The following PROKR2 variants were observed in gnomAD, a reference collection of about 807,000 sequenced individuals.
PROKR2 encodes G protein-coupled receptor 73-like 1.
PROKR2 carries 26 observed loss-of-function variants against 23.4 expected under a neutral mutation model. That is an observed-to-expected ratio of 1.11 (90% CI 0.81 to 1.54). The LOEUF (loss-of-function observed/expected upper bound fraction) is 1.54, where lower values mean the gene tolerates loss of function less well. Ranked by LOEUF, PROKR2 falls within the 40% of genes most tolerant of loss-of-function variation. The probability of loss-of-function intolerance (pLI) is 0.00; values close to 1 mark genes in which losing one functional copy is unlikely to be tolerated. For missense variants in PROKR2, 453 were observed against 511.5 expected (o/e 0.89, Z 1.10); for synonymous variants, 212 against 201.2 (o/e 1.05, Z -0.45).
rs185407013 is a variant in PROKR2 at position 5,301,177 on chromosome 20, G to A, written c.*863C>T. On this transcript the variant is annotated 3_prime_UTR_variant, in exon 3 of 3. Coordinates refer to ENST00000678254, the MANE Select transcript of PROKR2 (RefSeq NM_144773.4). Reference sequence around the variant, plus strand: ...AAACTTATCGTTACATTTCCATTGTGTCTAAGAGTCTTCTTCTATAGCCGT... The same window carrying A: ...AAACTTATCGTTACATTTCCATTGTATCTAAGAGTCTTCTTCTATAGCCGT... 5.0e-4 allele frequency among the ~76,000 whole-genome samples: 76 copies of A among 152,072 alleles called. 1 individual carries two copies. The highest frequency in any genetic ancestry group is 1.0e-3 in the Admixed American group (16 of 15,262).
rs1379896965 is a variant in PROKR2 at position 5,300,822 on chromosome 20, A to AC, written c.*1217dup. On this transcript the variant is annotated 3_prime_UTR_variant, in exon 3 of 3. Transcript: ENST00000678254. ...ATGTTCATTGCCAGTGGCAACCTCCACTTTTTTCTCTGTCCTCTTTCCCCC... is the reference window on the plus strand; with the variant it reads ...ATGTTCATTGCCAGTGGCAACCTCCACCTTTTTTCTCTGTCCTCTTTCCCCC... 6.6e-6 allele frequency among the ~76,000 whole-genome samples: 1 copy of AC among 152,060 alleles called. No homozygotes were observed. Among genetic ancestry groups the AC allele is most frequent in the Non-Finnish European group, 1.5e-5 (1 of 68,006 alleles).
chr20:5,314,336 G>A lies in PROKR2; in HGVS notation c.34C>T (p.Pro12Ser). The change falls in exon 2 of 3, where the codon CCC (proline) becomes TCC (serine). Residue 12 changes from proline (P) to serine (S), a missense_variant. Transcript: ENST00000678254. Reference sequence around the variant, plus strand: ...TGGTCTTGGGGTGGATTAAAGTTGGGTGTGAAACTGGTGTTTCCATTCTGG... The same window carrying A: ...TGGTCTTGGGGTGGATTAAAGTTGGATGTGAAACTGGTGTTTCCATTCTGG... The part of the protein sequence containing the change: ...AAQNGNTSFT[P>S]NFNPPQDHAS... 3 of 1,614,142 alleles carry A rather than the reference G, an allele frequency of 1.9e-6. No homozygotes were observed. The highest frequency in any genetic ancestry group is 2.5e-6 in the Non-Finnish European group (3 of 1,180,038).
At chr20:5,304,888 A>G (rs982014940) in intron 2 of PROKR2, among the ~76,000 whole-genome samples, 9 of 152,168 alleles carry the variant, frequency 5.9e-5, no homozygotes, top group Admixed American at 2.0e-4. Context: ...AGTTGATTAT[A>G]TCAAGGCCTG....
intron 2 of PROKR2, among the ~76,000 whole-genome samples, chr20:5,310,033 G>A (rs1210741410): frequency 6.6e-6 from 1 of 152,222 alleles, no homozygotes; most frequent in Non-Finnish European, 1.5e-5. Flanking sequence ...ATCACTTTTG[G>A]TTGGGGGACT....
At chr20:5,304,834 G>A (rs113738859) in intron 2 of PROKR2, among the ~76,000 whole-genome samples, 17,670 of 152,172 alleles carry the variant, frequency 0.12, 1,102 homozygotes, top group Non-Finnish European at 0.12. Context: ...TGCTAATCCC[G>A]ATTGCCAGGC....
At chr20:5,307,437 A>G (rs1036598455) in intron 2 of PROKR2, among the ~76,000 whole-genome samples, 1 of 152,230 alleles carries the variant, frequency 6.6e-6, no homozygotes, top group South Asian at 2.1e-4. Context: ...CTCAGTATTT[A>G]CCGTAATAAA....
At chr20:5,308,394 G>A (rs1342380078) in intron 2 of PROKR2, among the ~76,000 whole-genome samples, 1 of 152,358 alleles carries the variant, frequency 6.6e-6, no homozygotes, top group Non-Finnish European at 1.5e-5. Flanking sequence ...ACAATAGCAT[G>A]AGTGATCTGT....
At position 5,300,988 on chromosome 20, in the gene PROKR2, C is replaced by T. The variant is rs1164302902; in HGVS notation, c.*1052G>A. On this transcript the variant is annotated 3_prime_UTR_variant, in exon 3 of 3. Coordinates refer to ENST00000678254, the MANE Select transcript of PROKR2 (RefSeq NM_144773.4). ...TTTTAGGTTCTTTCCTTTGAAATTACACCATTGTGGATAACCACATAAGGC... is the reference window on the plus strand; with the variant it reads ...TTTTAGGTTCTTTCCTTTGAAATTATACCATTGTGGATAACCACATAAGGC... Among the ~76,000 whole-genome samples, 1 of 152,174 alleles carries T rather than the reference C, an allele frequency of 6.6e-6. No homozygotes were observed. Among genetic ancestry groups the T allele is most frequent in the Non-Finnish European group, 1.5e-5 (1 of 68,030 alleles).
intron 2 of PROKR2, among the ~76,000 whole-genome samples, chr20:5,308,204 C>T (rs1661883300): frequency 2.8e-5 from 1 of 35,368 alleles, no homozygotes; most frequent in South Asian, 9.4e-4. Context: ...CCCCCCCCCT[C>T]AAAACCTGGC....
intron 1 of PROKR2, among the ~76,000 whole-genome samples, chr20:5,315,561 C>T (rs975662414): frequency 6.6e-6 from 1 of 152,116 alleles, no homozygotes; most frequent in African/African-American, 2.4e-5. Context: ...ATGTGGGCGC[C>T]GCGGGATGCT....
chr20:5,302,179 T>C lies in PROKR2; in HGVS notation c.1016A>G (p.Asn339Ser), dbSNP rs759570423. Residue 339 changes from asparagine to serine, a missense_variant, in exon 3 of 3, where the codon AAC (asparagine) becomes AGC (serine). Transcript: ENST00000678254. ...CATCTTCTTGAAGTACTTCATGGTG[T>C]TGTTCTTGACCGTCACGAAGCACAC... ...NTVCFVTVKN[N>S]TMKYFKKMML... is the part of the protein sequence containing the mutation. 4 of 1,614,204 alleles carry C rather than the reference T, an allele frequency of 2.5e-6. No individual in the cohort carries two copies. The South Asian group carries it at 4.4e-5, about 18-fold the overall frequency.
At chr20:5,308,194 C>CTT (rs1568571185) in intron 2 of PROKR2, among the ~76,000 whole-genome samples, 1,763 of 98,238 alleles carry the variant, frequency 0.018, 36 homozygotes, top group African/African-American at 0.093. Context: ...GGGAACAGGC[C>CTT]CCCCCCCCTC....
In PROKR2 at chr20:5,316,339, C is replaced by T. The variant is rs773997113; in HGVS notation, c.-9+155G>A. 2.2e-6 allele frequency: 1 copy of T among 456,580 alleles called. No homozygotes were observed. The highest frequency in any genetic ancestry group is 4.4e-6 in the Non-Finnish European group (1 of 226,976). The allele number at this position is 456,580 out of a possible 1,614,324, so 28.3% of individuals were successfully genotyped here. On this transcript the variant is annotated intron_variant, in intron 1 of 2. Transcript: ENST00000678254. This position sits in a 1 kb window ranked among gnomAD's most constrained non-coding sequence, Gnocchi z 5.0. ...GAGGGGATCTCCTGAAACCAACTCGCCTGCTTGGAGCCAGCCCCGACGCAT... is the reference window on the plus strand; with the variant it reads ...GAGGGGATCTCCTGAAACCAACTCGTCTGCTTGGAGCCAGCCCCGACGCAT...
At position 5,314,807 on chromosome 20, in the gene PROKR2, C is replaced by A. The variant is rs138558049; in HGVS notation, c.-8-430G>T. Among the ~76,000 whole-genome samples, 349 of 152,360 alleles carry A rather than the reference C, an allele frequency of 2.3e-3. 1 individual carries two copies. Among genetic ancestry groups the A allele is most frequent in the African/African-American group, 8.1e-3 (335 of 41,590 alleles). On this transcript the variant is annotated intron_variant, in intron 1 of 2. Coordinates refer to ENST00000678254, the MANE Select transcript of PROKR2 (RefSeq NM_144773.4). ...CATCCTCCAGCCCCCAACACATCAG[C>A]TCCCACAGGGGCTTCTGGAACATTT...
chr20:5,305,264 C>A (rs1472835808), intron 2 of PROKR2, among the ~76,000 whole-genome samples: 1 of 152,224 alleles, frequency 6.6e-6, no homozygotes, highest in Non-Finnish European at 1.5e-5. Context: ...TGTACAATGT[C>A]TGTCCCCTGA....
rs568577005 is a variant in PROKR2, at chr20:5,307,571, C to T, written c.459-4835G>A. 4.3e-4 allele frequency among the ~76,000 whole-genome samples: 66 copies of T among 152,326 alleles called. 1 individual carries two copies. In the South Asian group the frequency reaches 7.2e-3, roughly 17 times the overall value. ...CATTGCAGAACGGGCAGAGGTGCTG[C>T]GCAACGAATCCTATGGAATCATTAT... On this transcript the variant is annotated intron_variant, in intron 2 of 2. Transcript: ENST00000678254.
Position 5,314,310 on chromosome 20 carries a change from A to G in PROKR2, c.60T>C (p.His20=), listed in dbSNP as rs1210956597. ...TGAAGTTAAAGGAGAGGGAGGAGGC[A>G]TGGTCTTGGGGTGGATTAAAGTTGG... ...FTPNFNPPQD[H]ASSLSFNFSY... Residue 20 remains histidine (H), a synonymous_variant, in exon 2 of 3, where the codon CAT becomes CAC. Coordinates refer to ENST00000678254, the MANE Select transcript of PROKR2 (RefSeq NM_144773.4). The G allele has an allele frequency of 1.2e-6, 2 of 1,614,034 alleles. No homozygotes were observed. Among genetic ancestry groups the G allele is most frequent in the Admixed American group, 1.7e-5 (1 of 60,010 alleles).
At position 5,300,137 on chromosome 20, in the gene PROKR2, C is replaced by A. The variant is rs1300064639; in HGVS notation, c.*1903G>T. Among the ~76,000 whole-genome samples the A allele has an allele frequency of 3.3e-5, 5 of 152,140 alleles. No individual in the cohort carries two copies. The highest frequency in any genetic ancestry group is 4.8e-5 in the African/African-American group (2 of 41,440). ...AACCAGGTACCATTTGCATAGCTACCACATCAAAATGAATCAAGAAGAAAT... is the reference window on the plus strand; with the variant it reads ...AACCAGGTACCATTTGCATAGCTACAACATCAAAATGAATCAAGAAGAAAT... On this transcript the variant is annotated 3_prime_UTR_variant, in exon 3 of 3. Coordinates refer to ENST00000678254, the MANE Select transcript of PROKR2 (RefSeq NM_144773.4).
chr20:5,309,072 A>G (rs5012084), intron 2 of PROKR2, among the ~76,000 whole-genome samples: 77,604 of 151,908 alleles, frequency 0.51, 20,129 homozygotes, highest in African/African-American at 0.61. Flanking sequence ...ATGTGACCTG[A>G]CCTTGCCAAA....
Sources: allele counts gnomAD v4.1 joint callset (sites outside exome capture counted in the v4.1 genomes callset), GRCh38; gene constraint gnomAD v4.1.1; non-coding constraint Gnocchi (gnomAD v3.1); transcripts MANE v1.5; gene names NCBI Gene and HGNC (gene_info 2026-07-23, HGNC 2026-07-21).